The following ZNF821 variants were observed in gnomAD, a reference collection of about 807,000 sequenced individuals.
ZNF821 encodes the protein zinc finger protein 821.
ZNF821 carries 16 observed loss-of-function variants against 44.3 expected under a neutral mutation model. The observed-to-expected ratio is 0.36, with a 90% confidence interval of 0.24 to 0.55. The LOEUF is 0.55. ZNF821 is among the 20% of genes least tolerant of loss of function. The probability of loss-of-function intolerance (pLI) is 0.86; values close to 1 mark genes in which losing one functional copy is unlikely to be tolerated. For missense variants in ZNF821, 436 were observed against 547.6 expected (o/e 0.80, Z 2.03); for synonymous variants, 204 against 197.6 (o/e 1.03, Z -0.27).
Position 71,860,167 on chromosome 16 carries a change from G to A in ZNF821, c.1090C>T (p.Arg364Ter), listed in dbSNP as rs775498287. ...GAAGGGTCCTGGCCAAACTGAGCTC[G>A]CAACATCATGTCCATTTTCTCCAGC... Reference protein sequence around the residue: ...RRLEKMDMMLRAQFGQDPSAM... With the variant: ...RRLEKMDMML Residue 364 changes from arginine to a stop codon, truncating the protein, a stop_gained, in exon 8 of 8, where the codon CGA becomes TGA. Transcript: ENST00000425432. LOFTEE classifies it high-confidence loss of function. This position sits in a 1 kb window ranked among gnomAD's most constrained non-coding sequence, Gnocchi z 7.3. The A allele has an allele frequency of 1.9e-6, 3 of 1,614,080 alleles. No homozygotes were observed. The highest frequency in any genetic ancestry group is 3.3e-5 in the Admixed American group (2 of 60,000).
At chr16:71,864,362 G>T in intron 5 of ZNF821, 120 bp from the exon 6 acceptor site, 2 of 794,056 alleles carry the variant, frequency 2.5e-6, no homozygotes, top group Non-Finnish European at 4.2e-6. Flanking sequence ...GTTATTCTTA[G>T]CTTCCCTTTG....
intron 3 of ZNF821, among the ~76,000 whole-genome samples, chr16:71,875,646 T>C (rs1055375492): frequency 6.6e-6 from 1 of 152,024 alleles, no homozygotes; most frequent in African/African-American, 2.4e-5. Context: ...GTATTTTTAG[T>C]AGAGACGGGG....
At chr16:71,880,094 T>C (rs1272067449) in intron 2 of ZNF821, 71 bp from the exon 3 acceptor site, 13 of 700,662 alleles carry the variant, frequency 1.9e-5, no homozygotes, top group Non-Finnish European at 6.9e-6. Context: ...AAAGATAAAA[T>C]GTCCTTAAAA....
chr16:71,863,971 T>C (rs1267874441), intron 6 of ZNF821, among the ~76,000 whole-genome samples, 167 bp downstream of exon 6: 1 of 152,222 alleles, frequency 6.6e-6, no homozygotes, highest in Non-Finnish European at 1.5e-5. Flanking sequence ...GTGCTGGGAT[T>C]ACAGGCGTGA....
At position 71,860,734 on chromosome 16, in the gene ZNF821, C is replaced by G. The variant is rs539776379; in HGVS notation, c.585-62G>C. The stretch of plus-strand genomic sequence containing the variant: ...TCTAGCAAGAGTCGGGACTCCAGCC[C>G]TGCCTTATTCTTTTCCTATGAGGCC... On this transcript the variant is annotated intron_variant, in intron 7 of 7. Transcript: ENST00000425432. This position sits in a 1 kb window ranked among gnomAD's most constrained non-coding sequence, Gnocchi z 7.3. 6.5e-7 allele frequency: 1 copy of G among 1,530,150 alleles called. No individual in the cohort carries two copies. Among genetic ancestry groups the G allele is most frequent in the Admixed American group, 1.9e-5 (1 of 52,926 alleles). 94.8% of individuals were successfully genotyped at this position (1,530,150 alleles called of 1,614,324 possible).
intron 6 of ZNF821, among the ~76,000 whole-genome samples, chr16:71,863,100 T>C (rs2034102574): frequency 6.6e-6 from 1 of 152,098 alleles, no homozygotes; most frequent in Non-Finnish European, 1.5e-5. Flanking sequence ...TTCACCATGT[T>C]GGCCAGGCTG....
In ZNF821 at chr16:71,860,852, C is replaced by T. The variant is rs2033778012; in HGVS notation, c.585-180G>A. On this transcript the variant is annotated intron_variant, in intron 7 of 7. Transcript: ENST00000425432. This position sits in a 1 kb window ranked among gnomAD's most constrained non-coding sequence, Gnocchi z 7.3. ...CTTCTCTTCGCGTGAGAGTTGTCTA[C>T]CAACTTTTTTTTTTTTTTTTTGAGA... Among the ~76,000 whole-genome samples the T allele has an allele frequency of 7.6e-6, 1 of 130,912 alleles. No individual in the cohort carries two copies. The highest frequency in any genetic ancestry group is 9.7e-5 in the Admixed American group (1 of 10,286). The allele number at this position is 130,912 out of a possible 152,430, so 85.9% of individuals were successfully genotyped here.
Position 71,859,986 on chromosome 16 carries a change from G to C in ZNF821, c.*32C>G. 6.5e-7 allele frequency: 1 copy of C among 1,529,834 alleles called. No individual in the cohort carries two copies. 94.8% of individuals were successfully genotyped at this position (1,529,834 alleles called of 1,614,324 possible). A position where few individuals can be genotyped will look rare whatever the true frequency, so the allele number is the denominator to read the frequency against. The stretch of plus-strand genomic sequence containing the variant: ...GTGGGTGTGGGTGGGTGGGTAGGTA[G>C]GTGGGAAGGAGGGCAGGCAGGAGGG... On this transcript the variant is annotated 3_prime_UTR_variant, in exon 8 of 8. Coordinates refer to ENST00000425432, the MANE Select transcript of ZNF821 (RefSeq NM_001201552.2).
intron 2 of ZNF821, among the ~76,000 whole-genome samples, chr16:71,882,877 ATTTTG>A (rs2036576907): frequency 6.6e-6 from 1 of 152,184 alleles, no homozygotes; most frequent in African/African-American, 2.4e-5. Flanking sequence ...AAGGTCACTC[ATTTTG>A]TTTTACTTTT....
rs2033748620 is a variant in ZNF821 at position 71,860,675 on chromosome 16, G to T, written c.585-3C>A. The T allele has an allele frequency of 6.2e-7, 1 of 1,610,004 alleles. No homozygotes were observed. Among genetic ancestry groups the T allele is most frequent in the Admixed American group, 1.7e-5 (1 of 59,904 alleles). On this transcript the variant is annotated splice_region_variant and splice_polypyrimidine_tract_variant and intron_variant, in intron 7 of 7. Coordinates refer to ENST00000425432, the MANE Select transcript of ZNF821 (RefSeq NM_001201552.2). This position sits in a 1 kb window ranked among gnomAD's most constrained non-coding sequence, Gnocchi z 7.3. ...TTAGTACTTCAGGAAGTTTCTCACT[G>T]GAAAGGAAACATTTTGGATGGTTAG...
At chr16:71,861,640 TCTTA>T (rs1473266281) in intron 7 of ZNF821, 132 bp downstream of exon 7, 1 of 986,580 alleles carries the variant, frequency 1.0e-6, no homozygotes, top group East Asian at 2.5e-5. Flanking sequence ...TTCCTAGCCT[TCTTA>T]CTTGTACTTC....
intron 3 of ZNF821, among the ~76,000 whole-genome samples, chr16:71,876,634 C>T (rs1219423040): frequency 6.6e-6 from 1 of 151,622 alleles, no homozygotes; most frequent in Non-Finnish European, 1.5e-5. Context: ...GATCTCACTC[C>T]GACGCTCAGG....
At chr16:71,891,995 CAAA>C (rs58554253) in intron 1 of ZNF821, among the ~76,000 whole-genome samples, 1,084 of 21,000 alleles carry the variant, frequency 0.052, 19 homozygotes, top group African/African-American at 0.14. Flanking sequence ...GACTCCGTCT[CAAA>C]AAAAAAAAAA....
chr16:71,867,591 C>T (rs559788883), intron 4 of ZNF821, among the ~76,000 whole-genome samples: 20 of 151,758 alleles, frequency 1.3e-4, no homozygotes, highest in Middle Eastern at 6.3e-3. Context: ...GAGGCTGAGG[C>T]AGGAGAATCG....
rs1597118802 is a variant in ZNF821 at position 71,860,780 on chromosome 16, A to G, written c.585-108T>C. 3 of 1,137,782 alleles carry G rather than the reference A, an allele frequency of 2.6e-6. No individual in the cohort carries two copies. The East Asian group carries it at 7.7e-5, about 29-fold the overall frequency. 70.5% of individuals were successfully genotyped at this position (1,137,782 alleles called of 1,614,324 possible). On this transcript the variant is annotated intron_variant, in intron 7 of 7. Transcript: ENST00000425432. This position sits in a 1 kb window ranked among gnomAD's most constrained non-coding sequence, Gnocchi z 7.3. ...AGGCCAGTGGCTCCACGCTCACCAC[A>G]AGGGGTCAGTTTGAATGCTTGGTGG...
chr16:71,875,318 G>A (rs921167436), intron 3 of ZNF821, among the ~76,000 whole-genome samples: 2 of 151,996 alleles, frequency 1.3e-5, no homozygotes, highest in Admixed American at 6.6e-5. Context: ...GTCTCACTCC[G>A]TCGCCCAGGC....
upstream of ZNF821, among the ~76,000 whole-genome samples, chr16:71,889,474 A>G (rs1199590649): frequency 6.6e-6 from 1 of 152,066 alleles, no homozygotes; most frequent in Non-Finnish European, 1.5e-5. Flanking sequence ...GGAGTTCAAG[A>G]CCAGCCTGGC....
At position 71,861,802 on chromosome 16, in the gene ZNF821, C is replaced by T; in HGVS notation, c.558G>A (p.Arg186=). The T allele has an allele frequency of 1.2e-6, 2 of 1,614,136 alleles. No homozygotes were observed. Among genetic ancestry groups the T allele is most frequent in the Middle Eastern group, 1.7e-4 (1 of 6,004 alleles). ...QRSNCAVCGA[R]FTSHATFNSE... ...TGTTAAAAGTGGCATGGCTGGTGAACCGGGCTCCACACACAGCACAGTTAG... is the reference window on the plus strand; with the variant it reads ...TGTTAAAAGTGGCATGGCTGGTGAATCGGGCTCCACACACAGCACAGTTAG... The change falls in exon 7 of 8, where the codon CGG becomes CGA. Residue 186 remains arginine (R), a synonymous_variant. Coordinates refer to ENST00000425432, the MANE Select transcript of ZNF821 (RefSeq NM_001201552.2).
intron 1 of ZNF821, chr16:71,894,759 C>A (rs2036929102): frequency 1.1e-5 from 11 of 1,012,890 alleles, no homozygotes; most frequent in Admixed American, 4.2e-5. Context: ...TGGTCTGCAA[C>A]TCCCGGGCTC....
Sources: allele counts gnomAD v4.1 joint callset (sites outside exome capture counted in the v4.1 genomes callset), GRCh38; gene constraint gnomAD v4.1.1; non-coding constraint Gnocchi (gnomAD v3.1); transcripts MANE v1.5; gene names NCBI Gene and HGNC (gene_info 2026-07-23, HGNC 2026-07-21).